LRP1B: variants seen among roughly 807,000 people sequenced by gnomAD.
LRP1B encodes LDL receptor related protein 1B, also known as low-density lipoprotein receptor-related protein 1B.
A neutral mutation model predicts 556.6 loss-of-function variants in LRP1B; 217 were observed. The ratio of observed to expected loss-of-function variants is 0.39; its 90% CI spans 0.35 to 0.44. The LOEUF is 0.44. LRP1B is among the 20% of genes least tolerant of loss of function. The probability of loss-of-function intolerance (pLI) is 1.00; values close to 1 mark genes in which losing one functional copy is unlikely to be tolerated. For synonymous variants in LRP1B, 2,047 were observed against 1,865.8 expected, an observed-to-expected ratio of 1.10 and a Z score of -2.50; for missense variants, 5,053 against 5,620.8, an observed-to-expected ratio of 0.90 and a Z score of 3.23.
chr2:140,922,422 C>A (rs1694764399), intron 21 of LRP1B, among the ~76,000 whole-genome samples: 1 of 151,900 alleles, frequency 6.6e-6, no homozygotes, highest in African/African-American at 2.4e-5. Context: ...TGGCAGTCAG[C>A]ATCCTCCTCA....
rs79294586 is a variant in LRP1B, at chr2:142,130,592, C to T, written c.82+56G>A. The T allele has an allele frequency of 0.011, 15,301 of 1,439,882 alleles. 1,358 individuals carry two copies. In the African/African-American group the frequency reaches 0.19, roughly 18 times the overall value. 89.2% of individuals were successfully genotyped at this position (1,439,882 alleles called of 1,614,324 possible). On this transcript the variant is annotated intron_variant, in intron 1 of 90. Coordinates refer to ENST00000389484, the MANE Select transcript of LRP1B (RefSeq NM_018557.3). Reference sequence around the variant, plus strand: ...CACACTCACTTATCTGCAAGCATCGCCCAGCAGGAAAGCCAAGGAAGTCAG... The same window carrying T: ...CACACTCACTTATCTGCAAGCATCGTCCAGCAGGAAAGCCAAGGAAGTCAG...
intron 6 of LRP1B, among the ~76,000 whole-genome samples, chr2:141,189,804 C>A (rs978508926): frequency 6.6e-6 from 1 of 151,752 alleles, no homozygotes; most frequent in Non-Finnish European, 1.5e-5. Flanking sequence ...ACTACTGTTG[C>A]GGCTTAGAAA....
At chr2:140,306,944 T>G (rs766440453) in intron 83 of LRP1B, among the ~76,000 whole-genome samples, 8 of 151,576 alleles carry the variant, frequency 5.3e-5, no homozygotes, top group Non-Finnish European at 7.4e-5. Flanking sequence ...CAATAGTAAA[T>G]ATTATTAAGG....
rs2105086326 is a variant in LRP1B, at chr2:140,335,674, G to C, written c.12057C>G (p.Thr4019=). 6.2e-7 allele frequency: 1 copy of C among 1,612,670 alleles called. No individual in the cohort carries two copies. Among genetic ancestry groups the C allele is most frequent in the Non-Finnish European group, 8.5e-7 (1 of 1,179,050 alleles). ...CTCCAGCCATATTTGTTAAGAGTCT[G>C]GTGCAGTTGGGGCCATTCAGCTGCC... ...NVGQLNGPNC[T]RLLTNMAGEP... Residue 4019 remains threonine, a synonymous_variant, in exon 78 of 91, where the codon ACC becomes ACG. Transcript: ENST00000389484.
intron 68 of LRP1B, among the ~76,000 whole-genome samples, chr2:140,376,225 T>C (rs1279235720): frequency 6.6e-6 from 1 of 152,194 alleles, no homozygotes; most frequent in Non-Finnish European, 1.5e-5. Flanking sequence ...CACCAACTTA[T>C]GGGATGAGAT....
At chr2:141,458,472 G>A (rs1360043420) in intron 3 of LRP1B, among the ~76,000 whole-genome samples, 1 of 152,158 alleles carries the variant, frequency 6.6e-6, no homozygotes, top group Non-Finnish European at 1.5e-5. Flanking sequence ...GTGAAATGGA[G>A]AAACTAATCT....
intron 29 of LRP1B, among the ~76,000 whole-genome samples, chr2:140,841,935 T>C (rs1692119485): frequency 7.6e-6 from 1 of 131,922 alleles, no homozygotes; most frequent in South Asian, 2.5e-4. Flanking sequence ...ATTACCTTGA[T>C]TTTGGTTTTA....
chr2:141,365,684 G>A (rs1378076221), intron 3 of LRP1B, among the ~76,000 whole-genome samples: 1 of 29,944 alleles, frequency 3.3e-5, no homozygotes, highest in Non-Finnish European at 9.7e-5. Flanking sequence ...ACAGAGTCTC[G>A]CTCTGTTGCC....
chr2:141,001,786 G>A lies in LRP1B; in HGVS notation c.2503+3549C>T, dbSNP rs144441301. Among the ~76,000 whole-genome samples the A allele has an allele frequency of 1.1e-3, 161 of 152,186 alleles. 1 individual carries two copies. Among genetic ancestry groups the A allele is most frequent in the African/African-American group, 3.6e-3 (148 of 41,548 alleles). On this transcript the variant is annotated intron_variant, in intron 15 of 90. Coordinates refer to ENST00000389484, the MANE Select transcript of LRP1B (RefSeq NM_018557.3). ...AAAGCTACTCTGTGTGTGCGTGTGC[G>A]TGCGCACGCATATGCATGTGCATGT... is the stretch of plus-strand genomic sequence containing the variant.
intron 3 of LRP1B, among the ~76,000 whole-genome samples, chr2:141,426,882 C>A (rs183512081): frequency 2.3e-3 from 350 of 152,160 alleles, no homozygotes; most frequent in Non-Finnish European, 1.2e-3. Flanking sequence ...AGTGCATAAA[C>A]TTTTTTATTA....
chr2:141,020,728 G>T (rs529264466), intron 11 of LRP1B, among the ~76,000 whole-genome samples: 2 of 152,104 alleles, frequency 1.3e-5, no homozygotes, highest in East Asian at 3.9e-4. Flanking sequence ...GATTATATGA[G>T]ATACAGGCAG....
At position 141,242,328 on chromosome 2, in the gene LRP1B, T is replaced by A. The variant is rs546533464; in HGVS notation, c.592+4898A>T. On this transcript the variant is annotated intron_variant, in intron 5 of 90. Coordinates refer to ENST00000389484, the MANE Select transcript of LRP1B (RefSeq NM_018557.3). ...TAAACTTATGTTAGTAGATGTTAAA[T>A]CCCCCTAGAGTTTTAAAGTAAGAGC... Among the ~76,000 whole-genome samples, 27 of 152,166 alleles carry A rather than the reference T, an allele frequency of 1.8e-4. 1 individual carries two copies. In the Middle Eastern group the frequency reaches 0.017, roughly 96 times the overall value.
intron 1 of LRP1B, among the ~76,000 whole-genome samples, chr2:142,117,275 C>A (rs765936497): frequency 1.3e-5 from 2 of 152,144 alleles, no homozygotes; most frequent in African/African-American, 4.8e-5. Context: ...TTCTCTGCAT[C>A]CACGTTCTCT....
rs558830071 is a variant in LRP1B, at chr2:140,850,090, C to T, written c.4939+12G>A. On this transcript the variant is annotated intron_variant, in intron 29 of 90. Coordinates refer to ENST00000389484, the MANE Select transcript of LRP1B (RefSeq NM_018557.3). ...AACACTTTTAAAGTTGTAACATGTA[C>T]GAATCTTTTACCTCTTGAAATAACA... 1.6e-5 allele frequency: 24 copies of T among 1,517,712 alleles called. No homozygotes were observed. In the East Asian group the frequency reaches 1.8e-4, roughly 11 times the overall value. 94.0% of individuals were successfully genotyped at this position (1,517,712 alleles called of 1,614,324 possible).
chr2:141,786,363 A>G (rs1695430767), intron 2 of LRP1B, among the ~76,000 whole-genome samples: 1 of 151,938 alleles, frequency 6.6e-6, no homozygotes, highest in South Asian at 2.1e-4. Context: ...GGAAAGAGTA[A>G]AAGTCTAAGA....
intron 7 of LRP1B, among the ~76,000 whole-genome samples, chr2:141,072,190 G>A (rs1053396638): frequency 6.6e-6 from 1 of 152,048 alleles, no homozygotes; most frequent in African/African-American, 2.4e-5. Flanking sequence ...TACTTTGAAT[G>A]TTCCAGAATA....
In LRP1B at chr2:142,130,826, A is replaced by C; in HGVS notation, c.-97T>G. The C allele has an allele frequency of 1.1e-6, 1 of 911,344 alleles. No individual in the cohort carries two copies. The highest frequency in any genetic ancestry group is 1.8e-6 in the Non-Finnish European group (1 of 564,774). The allele number at this position is 911,344 out of a possible 1,614,324, so 56.5% of individuals were successfully genotyped here. A position where few individuals can be genotyped will look rare whatever the true frequency, so the allele number is the denominator to read the frequency against. On this transcript the variant is annotated 5_prime_UTR_variant, in exon 1 of 91. Coordinates refer to ENST00000389484, the MANE Select transcript of LRP1B (RefSeq NM_018557.3). ...CGGCAGGGGCCGCTTGGAGCCTGGAATCGAGCGGCGTCATTTACAAATGTC... is the reference window on the plus strand; with the variant it reads ...CGGCAGGGGCCGCTTGGAGCCTGGACTCGAGCGGCGTCATTTACAAATGTC...
At chr2:141,106,573 C>T (rs1353291282) in intron 7 of LRP1B, among the ~76,000 whole-genome samples, 1 of 151,600 alleles carries the variant, frequency 6.6e-6, no homozygotes, top group Non-Finnish European at 1.5e-5. Context: ...TATCCAAACT[C>T]AATTATGCAA....
intron 66 of LRP1B, among the ~76,000 whole-genome samples, chr2:140,411,190 A>G (rs929015462): frequency 3.9e-5 from 6 of 152,150 alleles, no homozygotes; most frequent in Non-Finnish European, 7.4e-5. Flanking sequence ...TTAAGAAAAC[A>G]ACTTTATATA....
Sources: allele counts gnomAD v4.1 joint callset (sites outside exome capture counted in the v4.1 genomes callset), GRCh38; gene constraint gnomAD v4.1.1; transcripts MANE v1.5; gene names NCBI Gene and HGNC (gene_info 2026-07-23, HGNC 2026-07-21).